The following ZFHX3 variants were observed in gnomAD, a reference collection of about 807,000 sequenced individuals.
The protein encoded by ZFHX3 is zinc finger homeobox 3.
In ZFHX3, 42 loss-of-function variants were observed where a neutral mutation model predicts 279.1. The observed-to-expected ratio is 0.15, with a 90% CI of 0.12 to 0.19. The LOEUF is 0.19. Among genes scored for constraint, ZFHX3 ranks in the 10% least tolerant of loss-of-function variants. The pLI is 1.00. For missense variants in ZFHX3, 4,981 were observed against 4,754.0 expected, an observed-to-expected ratio of 1.05 and a Z score of -1.40; for synonymous variants, 2,293 against 1,957.8, an observed-to-expected ratio of 1.17 and a Z score of -4.52.
At position 73,342,220 on chromosome 16, in the gene ZFHX3, C is replaced by A. The variant is rs1476190450; in HGVS notation, c.-1290-23884G>T. On this transcript the variant is annotated intron_variant, in intron 3 of 17. Coordinates refer to the ZFHX3 transcript ENST00000641206. ...TTTTCATAACTTGTTAGAGGGAATG[C>A]AAATCGGTACAATAGTTAAGGATGG... 3.3e-5 allele frequency among the ~76,000 whole-genome samples: 5 copies of A among 152,132 alleles called. No homozygotes were observed. The South Asian group carries it at 6.2e-4, about 19-fold the overall frequency.
intron 5 of ZFHX3, chr16:72,822,127 A>C (rs1369912909): frequency 1.3e-5 from 2 of 152,250 alleles, no homozygotes; most frequent in Non-Finnish European, 2.9e-5. Flanking sequence ...AAAGGTACTT[A>C]TGTCATGCTA....
At chr16:73,699,694 T>C (rs1399761556) in intron 1 of ZFHX3, among the ~76,000 whole-genome samples, 1 of 152,196 alleles carries the variant, frequency 6.6e-6, no homozygotes, top group Non-Finnish European at 1.5e-5. Context: ...ATTATTCCTA[T>C]TTTCACAGAT....
chr16:72,972,961 T>C (rs909966197), intron 1 of ZFHX3, among the ~76,000 whole-genome samples: 23 of 152,240 alleles, frequency 1.5e-4, no homozygotes, highest in Admixed American at 6.5e-5. Flanking sequence ...TTAAGCGTCA[T>C]TGTACTCTTC....
intron 3 of ZFHX3, among the ~76,000 whole-genome samples, chr16:73,447,399 C>T (rs1223335835): frequency 6.6e-6 from 1 of 152,046 alleles, no homozygotes; most frequent in East Asian, 1.9e-4. Context: ...ACCCTGAATC[C>T]CAGAATGAGT....
intron 1 of ZFHX3, among the ~76,000 whole-genome samples, chr16:73,693,716 C>T (rs898629539): frequency 3.9e-5 from 6 of 152,156 alleles, no homozygotes; most frequent in Admixed American, 2.6e-4. Context: ...AACAGTCCCT[C>T]CCTTCAGTTA....
intron 2 of ZFHX3, among the ~76,000 whole-genome samples, chr16:73,666,297 T>G (rs1048466491): frequency 6.6e-6 from 1 of 152,010 alleles, no homozygotes; most frequent in Non-Finnish European, 1.5e-5. Context: ...TCATGTCATA[T>G]TCATGTCTCA....
In ZFHX3 at chr16:73,249,450, T is replaced by C. The variant is rs375664728; in HGVS notation, c.-1104+7597A>G. Among the ~76,000 whole-genome samples, 9 of 152,274 alleles carry C rather than the reference T, an allele frequency of 5.9e-5. No homozygotes were observed. In the East Asian group the frequency reaches 1.2e-3, roughly 20 times the overall value. ...CAATCACGGCAGAAGGTAAAAGGCA[T>C]GTCTTACATGGCAGCAGGCAAGAGA... On this transcript the variant is annotated intron_variant, in intron 5 of 17. Transcript: ENST00000641206.
At chr16:73,718,611 ATTAT>A (rs796528027) in intron 1 of ZFHX3, among the ~76,000 whole-genome samples, 7 of 62,654 alleles carry the variant, frequency 1.1e-4, no homozygotes, top group African/African-American at 2.0e-4. Context: ...TTATTTATTT[ATTAT>A]TTATTTATTT....
chr16:73,033,648 C>T (rs1282237297), intron 1 of ZFHX3, among the ~76,000 whole-genome samples: 1 of 152,188 alleles, frequency 6.6e-6, no homozygotes, highest in African/African-American at 2.4e-5. Flanking sequence ...TTCCACCTCA[C>T]ACTTTCACAG....
At chr16:73,457,174 G>A (rs1490207681) in intron 2 of ZFHX3, among the ~76,000 whole-genome samples, 1 of 152,156 alleles carries the variant, frequency 6.6e-6, no homozygotes, top group Non-Finnish European at 1.5e-5. Context: ...CTATTTTGGA[G>A]AATTTTTATA....
intron 2 of ZFHX3, among the ~76,000 whole-genome samples, chr16:73,478,988 G>A (rs898635276): frequency 4.6e-5 from 7 of 152,182 alleles, no homozygotes; most frequent in African/African-American, 1.7e-4. Flanking sequence ...GGAGGCAGAT[G>A]TTGCAGTGAG....
At chr16:73,445,850 C>A (rs2018177145) in intron 3 of ZFHX3, among the ~76,000 whole-genome samples, 1 of 152,168 alleles carries the variant, frequency 6.6e-6, no homozygotes. Context: ...TCCCTTTCCC[C>A]TGAGGTGGAA....
At chr16:72,901,693 A>C (rs2144133017) in intron 3 of ZFHX3, among the ~76,000 whole-genome samples, 1 of 152,346 alleles carries the variant, frequency 6.6e-6, no homozygotes, top group African/African-American at 2.4e-5. Context: ...GGAGGGAAGC[A>C]AGGGACCAAC....
intron 2 of ZFHX3, among the ~76,000 whole-genome samples, chr16:73,669,840 G>C (rs139253328): frequency 4.3e-4 from 65 of 152,118 alleles, no homozygotes; most frequent in South Asian, 1.0e-3. Context: ...GCTTTGCTGG[G>C]GTATTTTTTT....
chr16:73,817,526 C>T (rs537841232), intron 1 of ZFHX3, among the ~76,000 whole-genome samples: 22 of 152,290 alleles, frequency 1.4e-4, no homozygotes, highest in African/African-American at 4.3e-4. Flanking sequence ...CTTAAAATCG[C>T]GGTTCTGACA....
rs1156523996 is a variant in ZFHX3, at chr16:73,170,223, G to GTTTTTTTTTTTTTTTTTTTTTTTTTTT, written c.-1103-26393_-1103-26392insAAAAAAAAAAAAAAAAAAAAAAAAAAA. Among the ~76,000 whole-genome samples, 5 of 57,718 alleles carry GTTTTTTTTTTTTTTTTTTTTTTTTTTT rather than the reference G, an allele frequency of 8.7e-5. 2 individuals carry two copies. The highest frequency in any genetic ancestry group is 2.2e-4 in the African/African-American group (3 of 13,710). The allele number at this position is 57,718 out of a possible 152,430, so 37.9% of individuals were successfully genotyped here. On this transcript the variant is annotated intron_variant, in intron 5 of 17. Transcript: ENST00000641206. Reference sequence around the variant, plus strand: ...TTTTTGAAGCATCTTCCTTTCACTAGTTTTTTTTTTTTTTTTTTTTTTTTT... The same window carrying GTTTTTTTTTTTTTTTTTTTTTTTTTTT: ...TTTTTGAAGCATCTTCCTTTCACTAGTTTTTTTTTTTTTTTTTTTTTTTTTTTTTTTTTTTTTTTTTTTTTTTTTTTT...
intron 3 of ZFHX3, among the ~76,000 whole-genome samples, chr16:73,342,851 T>C (rs1368452613): frequency 1.5e-4 from 23 of 152,148 alleles, no homozygotes; most frequent in Non-Finnish European, 5.9e-5. Flanking sequence ...TAGAAACAAA[T>C]GAACCAAAAA....
chr16:72,797,617 C>G lies in ZFHX3; in HGVS notation c.5065G>C (p.Gly1689Arg), dbSNP rs759825040. ...LLSQVPTESV[G>R]MPPLGNPIGA... ...ATAGGATTCCCCAGGGGTGGCATCC[C>G]TACACTCTCAGTGGGCACTTGGCTT... is the stretch of plus-strand genomic sequence containing the variant. The change falls in exon 9 of 10, where the codon GGG (glycine) becomes CGG (arginine). Residue 1689 changes from glycine (G) to arginine (R), a missense_variant. Gly to Arg is a moderately radical substitution (Grantham distance 125). Transcript: ENST00000268489. 2 of 1,614,050 alleles carry G rather than the reference C, an allele frequency of 1.2e-6. No homozygotes were observed. Among genetic ancestry groups the G allele is most frequent in the Non-Finnish European group, 1.7e-6 (2 of 1,180,044 alleles).
intron 2 of ZFHX3, among the ~76,000 whole-genome samples, chr16:73,545,712 T>C (rs539667661): frequency 6.6e-6 from 1 of 152,194 alleles, no homozygotes; most frequent in African/African-American, 2.4e-5. Flanking sequence ...CTGGTTGTTA[T>C]TTATTTACTT....
Sources: gnomAD v4.1 joint callset for allele counts (sites outside exome capture counted in the v4.1 genomes callset) on GRCh38, gnomAD v4.1.1 for gene constraint, MANE v1.5 for transcripts, NCBI Gene and HGNC (gene_info 2026-07-23, HGNC 2026-07-21) for gene names.